RPS6KC1: variants seen among roughly 807,000 people sequenced by gnomAD.
RPS6KC1 encodes the protein ribosomal protein S6 kinase C1.
Under a neutral mutation model 103.8 loss-of-function variants are expected in RPS6KC1, and 54 were observed. That is an observed-to-expected ratio of 0.52 (90% confidence interval 0.42 to 0.65). The LOEUF is 0.65. Among genes scored for constraint, RPS6KC1 ranks in the 30% least tolerant of loss-of-function variants. RPS6KC1 has a pLI of 0.00. For missense variants in RPS6KC1, 1,151 were observed against 1,253.8 expected (o/e 0.92, Z 1.24); for synonymous variants, 439 against 438.7 (o/e 1.00, Z -0.01).
chr1:213,235,875 A>G (rs145394612), intron 10 of RPS6KC1, among the ~76,000 whole-genome samples: 218 of 152,280 alleles, frequency 1.4e-3, no homozygotes, highest in African/African-American at 5.0e-3. Flanking sequence ...GCAGAAGGAA[A>G]AGCAGGGAGA....
At chr1:213,833,631 T>G in the RPS6KC1 span, among the ~76,000 whole-genome samples, 1 of 152,172 alleles carries the variant, frequency 6.6e-6, no homozygotes, top group Non-Finnish European at 1.5e-5. Flanking sequence ...TTCAGTGCTC[T>G]TTATAAATTT....
the RPS6KC1 span, among the ~76,000 whole-genome samples, chr1:213,552,290 T>G: frequency 6.6e-6 from 1 of 152,224 alleles, no homozygotes; most frequent in African/African-American, 2.4e-5. Flanking sequence ...CAAAAACCAC[T>G]GACAGACTGT....
chr1:213,122,339 A>C (rs896133635), intron 5 of RPS6KC1, among the ~76,000 whole-genome samples: 3 of 152,154 alleles, frequency 2.0e-5, no homozygotes, highest in African/African-American at 7.2e-5. Flanking sequence ...TGGTTGGTCT[A>C]ATTGGAAAGG....
chr1:213,663,989 T>G, the RPS6KC1 span, among the ~76,000 whole-genome samples: 1 of 152,142 alleles, frequency 6.6e-6, no homozygotes, highest in African/African-American at 2.4e-5. Flanking sequence ...CCACTGAATC[T>G]CCTACCAAAT....
chr1:213,098,099 A>G (rs1353974625), intron 3 of RPS6KC1, among the ~76,000 whole-genome samples: 2 of 152,108 alleles, frequency 1.3e-5, no homozygotes, highest in African/African-American at 2.4e-5. Context: ...CAAGAGGCCT[A>G]ACTTTCAACA....
chr1:213,551,274 T>C, the RPS6KC1 span, among the ~76,000 whole-genome samples: 1 of 152,158 alleles, frequency 6.6e-6, no homozygotes, highest in East Asian at 1.9e-4. Flanking sequence ...TTAAAAGCTC[T>C]GGCAAGGACA....
the RPS6KC1 span, among the ~76,000 whole-genome samples, chr1:213,801,849 T>C: frequency 2.0e-5 from 3 of 152,168 alleles, no homozygotes; most frequent in African/African-American, 7.2e-5. Flanking sequence ...CGGTCAGGAA[T>C]ATTGGGAAGA....
the RPS6KC1 span, among the ~76,000 whole-genome samples, chr1:213,683,365 G>A: frequency 6.6e-6 from 1 of 152,102 alleles, no homozygotes; most frequent in African/African-American, 2.4e-5. Context: ...TCTTAAGGAT[G>A]GACAAACTGC....
chr1:213,820,750 T>G, the RPS6KC1 span: 3 of 152,180 alleles, frequency 2.0e-5, no homozygotes, highest in East Asian at 5.8e-4. Flanking sequence ...GCAGGTGGAC[T>G]TCAGTAGTTG....
intron 6 of RPS6KC1, among the ~76,000 whole-genome samples, chr1:213,162,631 A>G (rs546807887): frequency 6.6e-6 from 1 of 152,238 alleles, no homozygotes; most frequent in African/African-American, 2.4e-5. Context: ...TTCTCTCTTT[A>G]AAATTGCATA....
At chr1:213,178,066 T>C (rs538267576) in intron 8 of RPS6KC1, among the ~76,000 whole-genome samples, 201 of 151,350 alleles carry the variant, frequency 1.3e-3, no homozygotes, top group Non-Finnish European at 1.9e-3. Flanking sequence ...GGGCATGTAG[T>C]CCCAGCTGCT....
At chr1:213,596,231 G>C in the RPS6KC1 span, among the ~76,000 whole-genome samples, 1 of 152,198 alleles carries the variant, frequency 6.6e-6, no homozygotes, top group African/African-American at 2.4e-5. Flanking sequence ...AGAATTTTCT[G>C]TCCCTCTTTG....
chr1:213,648,975 T>G, the RPS6KC1 span, among the ~76,000 whole-genome samples: 4 of 152,078 alleles, frequency 2.6e-5, no homozygotes, highest in Non-Finnish European at 4.4e-5. Context: ...AAATTCACAC[T>G]CTTAGGAACA....
chr1:213,565,187 A>G, the RPS6KC1 span, among the ~76,000 whole-genome samples: 1 of 151,850 alleles, frequency 6.6e-6, no homozygotes, highest in Non-Finnish European at 1.5e-5. Context: ...GTAAAATTGT[A>G]TAACAAATTT....
chr1:213,272,785 GAAC>G lies in RPS6KC1; in HGVS notation c.*154_*156del. 1 of 586,014 alleles carries G rather than the reference GAAC, an allele frequency of 1.7e-6. No individual in the cohort carries two copies. Among genetic ancestry groups the G allele is most frequent in the South Asian group, 2.0e-5 (1 of 49,652 alleles). 36.3% of individuals were successfully genotyped at this position (586,014 alleles called of 1,614,324 possible). On this transcript the variant is annotated 3_prime_UTR_variant, in exon 15 of 15. Transcript: ENST00000366960. The stretch of plus-strand genomic sequence containing the variant: ...AAATGGGGGGGAAATGGCTAAAAGA[GAAC>G]AATTCGTTTACAATTACAAGATATT...
the RPS6KC1 span, among the ~76,000 whole-genome samples, chr1:213,293,323 ACC>A: frequency 6.6e-6 from 1 of 152,070 alleles, no homozygotes; most frequent in Non-Finnish European, 1.5e-5. Context: ...TGTATATATA[ACC>A]TATAATAATG....
the RPS6KC1 span, among the ~76,000 whole-genome samples, chr1:213,700,885 AATTTTTGTATGTTG>A: frequency 6.6e-6 from 1 of 151,936 alleles, no homozygotes; most frequent in Admixed American, 6.6e-5. Flanking sequence ...AAATGCTACT[AATTTTTGTATGTTG>A]ATTTTGTACA....
intron 8 of RPS6KC1, among the ~76,000 whole-genome samples, chr1:213,183,391 A>G (rs141874824): frequency 3.3e-5 from 5 of 152,152 alleles, no homozygotes; most frequent in Non-Finnish European, 7.3e-5. Flanking sequence ...GGAACAGACC[A>G]TTTCTAGGGC....
the RPS6KC1 span, among the ~76,000 whole-genome samples, chr1:213,768,123 A>T: frequency 6.6e-6 from 1 of 152,170 alleles, no homozygotes; most frequent in South Asian, 2.1e-4. Context: ...GTTAGGGAGT[A>T]CTGGCTTTTA....
Sources: gnomAD v4.1 joint callset for allele counts (sites outside exome capture counted in the v4.1 genomes callset) on GRCh38, gnomAD v4.1.1 for gene constraint, MANE v1.5 for transcripts, NCBI Gene and HGNC (gene_info 2026-07-23, HGNC 2026-07-21) for gene names.